Variants in SDHAF2 observed in about 807,000 individuals in gnomAD.
SDHAF2 encodes the protein succinate dehydrogenase assembly factor 2, mitochondrial.
A neutral mutation model predicts 18.5 loss-of-function variants in SDHAF2; 21 were observed. The observed-to-expected ratio is 1.13, with a 90% CI of 0.80 to 1.63. SDHAF2 has a LOEUF of 1.63. SDHAF2 is among the 40% of genes most tolerant of loss of function. SDHAF2 has a pLI of 0.00. For missense variants in SDHAF2, 195 were observed against 200.3 expected (o/e 0.97, Z 0.16); for synonymous variants, 84 against 70.7 (o/e 1.19, Z -0.94).
chr11:61,433,367 A>G (rs1282769644), intron 1 of SDHAF2: 1 of 152,216 alleles, frequency 6.6e-6, no homozygotes, highest in African/African-American at 2.4e-5. Flanking sequence ...AACTCATACC[A>G]GTATCACACA....
intron 3 of SDHAF2, 91 bp downstream of exon 3, chr11:61,438,204 C>T (rs574159953): frequency 1.2e-4 from 89 of 736,146 alleles, no homozygotes; most frequent in South Asian, 2.0e-4. Context: ...TTTTTTCTTT[C>T]TTTTTTTTTT....
chr11:61,439,933 G>GT (rs913838399), intron 3 of SDHAF2, among the ~76,000 whole-genome samples: 1 of 152,182 alleles, frequency 6.6e-6, no homozygotes, highest in African/African-American at 2.4e-5. Context: ...GTGAACATAG[G>GT]TTTTAGTTTT....
At chr11:61,436,826 T>C in intron 1 of SDHAF2, 1 of 1,228,056 alleles carries the variant, frequency 8.1e-7, no homozygotes, top group Non-Finnish European at 1.1e-6. Context: ...TGGGGTTTCC[T>C]ACTCCACCAT....
chr11:61,440,354 C>T (rs906013456), intron 3 of SDHAF2, among the ~76,000 whole-genome samples: 1 of 151,952 alleles, frequency 6.6e-6, no homozygotes, highest in Admixed American at 6.6e-5. Flanking sequence ...AATCCCAGCA[C>T]TTTGGGAGGT....
chr11:61,430,216 G>A (rs1248640393), intron 1 of SDHAF2, 34 bp downstream of exon 1: 3 of 1,613,866 alleles, frequency 1.9e-6, no homozygotes, highest in South Asian at 2.2e-5. Context: ...GTCCGGGGCG[G>A]GCGGCAGCGG....
At chr11:61,434,151 C>T (rs1440391053) in intron 1 of SDHAF2, 1 of 151,856 alleles carries the variant, frequency 6.6e-6, no homozygotes, top group Non-Finnish European at 1.5e-5. Context: ...TGGATGTCCA[C>T]TTCTTTCCCC....
chr11:61,441,314 C>T (rs1016530070), intron 3 of SDHAF2, among the ~76,000 whole-genome samples: 2 of 152,006 alleles, frequency 1.3e-5, no homozygotes, highest in South Asian at 2.1e-4. Flanking sequence ...GGGCGGATCA[C>T]GAGGTCAGGA....
At chr11:61,436,789 CAG>C (rs1565128223) in intron 1 of SDHAF2, 2 of 895,962 alleles carry the variant, frequency 2.2e-6, no homozygotes, top group Non-Finnish European at 3.2e-6. Flanking sequence ...GCTGTTGGCT[CAG>C]TGTCTCCATC....
At chr11:61,437,589 A>G (rs772598838) in intron 1 of SDHAF2, 36 bp from the exon 2 acceptor site, 7 of 1,523,192 alleles carry the variant, frequency 4.6e-6, no homozygotes, top group Admixed American at 1.7e-5. Flanking sequence ...GATAGTCGTC[A>G]TTATTGTAAA....
At chr11:61,434,609 T>C (rs1861971956) in intron 1 of SDHAF2, 1 of 151,016 alleles carries the variant, frequency 6.6e-6, no homozygotes, top group African/African-American at 2.5e-5. Flanking sequence ...TTTTTTTTTT[T>C]TAGAAAAAAC....
intron 3 of SDHAF2, among the ~76,000 whole-genome samples, chr11:61,440,796 C>A (rs548982557): frequency 1.3e-5 from 2 of 152,026 alleles, no homozygotes; most frequent in African/African-American, 4.8e-5. Context: ...AGCAGGTAAA[C>A]GAATATGATT....
chr11:61,434,524 ACT>A (rs1420000201), intron 1 of SDHAF2: 4 of 145,450 alleles, frequency 2.8e-5, no homozygotes, highest in Non-Finnish European at 6.0e-5. Context: ...CTCTTATACG[ACT>A]CTCATAATGT....
chr11:61,443,006 C>CA (rs1862089506), intron 3 of SDHAF2, among the ~76,000 whole-genome samples: 1 of 152,222 alleles, frequency 6.6e-6, no homozygotes, highest in Non-Finnish European at 1.5e-5. Flanking sequence ...CCGTCTGCCT[C>CA]AGTCCCTTAA....
intron 3 of SDHAF2, among the ~76,000 whole-genome samples, chr11:61,439,959 CAGG>C (rs1240622587): frequency 6.6e-6 from 1 of 152,084 alleles, no homozygotes; most frequent in Non-Finnish European, 1.5e-5. Flanking sequence ...AGTGAATACT[CAGG>C]AGAAGGATTT....
intron 1 of SDHAF2, 128 bp downstream of exon 1, chr11:61,430,310 G>A: frequency 8.6e-7 from 1 of 1,168,836 alleles, no homozygotes; most frequent in Non-Finnish European, 1.3e-6. Context: ...CAGGCCCAGG[G>A]AGAGGCCGAT....
intron 1 of SDHAF2, 49 bp from the exon 2 acceptor site, chr11:61,437,576 G>A (rs185046468): frequency 6.9e-6 from 10 of 1,451,558 alleles, no homozygotes; most frequent in Admixed American, 5.0e-5. Flanking sequence ...AAATGATAGC[G>A]ATGATAGTCG....
intron 3 of SDHAF2, chr11:61,444,263 T>C (rs1341829608): frequency 6.6e-6 from 1 of 152,224 alleles, no homozygotes; most frequent in Non-Finnish European, 1.5e-5. Flanking sequence ...GGCAACAGTA[T>C]GTTGACCTCT....
intron 1 of SDHAF2, 131 bp from the exon 2 acceptor site, chr11:61,437,494 G>A (rs916796287): frequency 5.8e-6 from 5 of 861,678 alleles, no homozygotes; most frequent in African/African-American, 1.6e-5. Flanking sequence ...GCGCCACCAC[G>A]CCTGGCCAGC....
rs1862133511 is a variant in SDHAF2 at position 61,446,039 on chromosome 11, G to T, written c.469G>T (p.Asp157Tyr). The change falls in exon 4 of 4, where the codon GAT (aspartate) becomes TAT (tyrosine). Residue 157 changes from aspartate to tyrosine, a missense_variant. Physicochemically the swap from Asp to Tyr is radical, Grantham distance 160 (BLOSUM62 -3). Coordinates refer to ENST00000301761, the MANE Select transcript of SDHAF2 (RefSeq NM_017841.4). ...CAAAGAGCAGAGACTGCGTGCCCCA[G>T]ATCTTGAGTACCTCTTTGAAAAGCC... ...KNKEQRLRAP[D>Y]LEYLFEKPR 6.2e-7 allele frequency: 1 copy of T among 1,614,078 alleles called. No individual in the cohort carries two copies. Among genetic ancestry groups the T allele is most frequent in the African/African-American group, 1.3e-5 (1 of 74,928 alleles).
Sources: allele counts gnomAD v4.1 joint callset (sites outside exome capture counted in the v4.1 genomes callset), GRCh38; gene constraint gnomAD v4.1.1; transcripts MANE v1.5; gene names NCBI Gene and HGNC (gene_info 2026-07-23, HGNC 2026-07-21).